Variants in NTM observed in about 807,000 individuals in gnomAD.
NTM encodes the protein IgLON family member 2.
Under a neutral mutation model 42.1 loss-of-function variants are expected in NTM, and 13 were observed. The ratio of observed to expected loss-of-function variants is 0.31; its 90% CI spans 0.20 to 0.49. The LOEUF is 0.49. Ranked by LOEUF, NTM falls within the 20% of genes least tolerant of loss-of-function variation. The pLI, the probability that NTM is intolerant of heterozygous loss-of-function variation, is 0.99. For missense variants in NTM, 373 were observed against 452.8 expected, an observed-to-expected ratio of 0.82 and a Z score of 1.60; for synonymous variants, 187 against 179.2, an observed-to-expected ratio of 1.04 and a Z score of -0.35.
Position 131,945,023 on chromosome 11 carries a change from A to G in NTM, c.167+33375A>G, listed in dbSNP as rs77307681. 2.0e-3 allele frequency among the ~76,000 whole-genome samples: 307 copies of G among 152,262 alleles called. 11 individuals are homozygous for G. In the South Asian group the frequency reaches 0.041, roughly 20 times the overall value. On this transcript the variant is annotated intron_variant, in intron 2 of 8. Transcript: ENST00000683400. ...GGAGTTTTGAACTAAACACAGTCCC[A>G]TTGGTGTGTAGTCAGATTTCATTGT...
chr11:131,459,987 C>T lies in NTM; in HGVS notation c.82+89099C>T, dbSNP rs571323905. 1.3e-3 allele frequency among the ~76,000 whole-genome samples: 195 copies of T among 152,144 alleles called. 1 individual carries two copies. Among genetic ancestry groups the T allele is most frequent in the African/African-American group, 4.3e-3 (179 of 41,500 alleles). On this transcript the variant is annotated intron_variant, in intron 1 of 8. Coordinates refer to ENST00000683400, the MANE Select transcript of NTM (RefSeq NM_001352005.2). ...CTCAAAGCAGTAAAAGAAAATAAGGCTCCGTGGCAGAACTTAAAAAAAATG... is the reference window on the plus strand; with the variant it reads ...CTCAAAGCAGTAAAAGAAAATAAGGTTCCGTGGCAGAACTTAAAAAAAATG...
chr11:132,072,000 T>C (rs1384452206), intron 2 of NTM, among the ~76,000 whole-genome samples: 2 of 152,152 alleles, frequency 1.3e-5, no homozygotes, highest in Non-Finnish European at 2.9e-5. Context: ...TTATAGGGAT[T>C]GGCTAGGGCA....
intron 2 of NTM, among the ~76,000 whole-genome samples, chr11:132,076,537 G>A (rs1793629): frequency 0.68 from 103,214 of 152,112 alleles, 36,437 homozygotes; most frequent in African/African-American, 0.85. Flanking sequence ...GGGGAAATTT[G>A]AAAATCAAAT....
intron 1 of NTM, among the ~76,000 whole-genome samples, chr11:131,471,132 CAT>C (rs1241625096): frequency 6.6e-6 from 1 of 152,206 alleles, no homozygotes; most frequent in Non-Finnish European, 1.5e-5. Flanking sequence ...GTTATTCATA[CAT>C]GAGTATTGTC....
intron 2 of NTM, among the ~76,000 whole-genome samples, chr11:132,138,823 T>C (rs545987758): frequency 9.3e-4 from 142 of 152,222 alleles, no homozygotes; most frequent in Non-Finnish European, 1.7e-3. Context: ...CCCTCCCACA[T>C]TGGGGAGGGT....
chr11:131,984,125 C>T (rs2065700509), intron 2 of NTM, among the ~76,000 whole-genome samples: 1 of 152,128 alleles, frequency 6.6e-6, no homozygotes, highest in Non-Finnish European at 1.5e-5. Context: ...CCATTTGTAC[C>T]CTTCTTCACA....
At chr11:132,078,763 T>C (rs1292374681) in intron 2 of NTM, among the ~76,000 whole-genome samples, 1 of 152,218 alleles carries the variant, frequency 6.6e-6, no homozygotes, top group East Asian at 1.9e-4. Flanking sequence ...ATGTTTCTGG[T>C]TCTTTTACAC....
intron 8 of NTM, among the ~76,000 whole-genome samples, chr11:132,333,385 CT>C (rs1431402903): frequency 6.6e-6 from 1 of 152,104 alleles, no homozygotes; most frequent in Non-Finnish European, 1.5e-5. Flanking sequence ...GGCTTCTCTC[CT>C]TTGATTCCAA....
At chr11:131,718,381 G>A (rs1375900878) in intron 1 of NTM, among the ~76,000 whole-genome samples, 1 of 152,158 alleles carries the variant, frequency 6.6e-6, no homozygotes, top group Non-Finnish European at 1.5e-5. Flanking sequence ...CAAATTCAAT[G>A]TGTTTTGGCT....
At chr11:132,239,821 A>G (rs1393512846) in intron 4 of NTM, among the ~76,000 whole-genome samples, 1 of 152,250 alleles carries the variant, frequency 6.6e-6, no homozygotes, top group Non-Finnish European at 1.5e-5. Context: ...TTCAAATTTT[A>G]TCACAATTAA....
intron 1 of NTM, among the ~76,000 whole-genome samples, chr11:131,910,419 G>T (rs1360878642): frequency 6.8e-6 from 1 of 147,782 alleles, no homozygotes; most frequent in Non-Finnish European, 1.5e-5. Flanking sequence ...GGCTGGGCTG[G>T]TGCACAGCCT....
At chr11:132,101,426 C>T (rs1426853796) in intron 2 of NTM, among the ~76,000 whole-genome samples, 2 of 152,178 alleles carry the variant, frequency 1.3e-5, no homozygotes, top group African/African-American at 4.8e-5. Flanking sequence ...GTCTTCCCCA[C>T]TGGGTGGAAG....
At chr11:131,673,519 G>C (rs2070791953) in intron 1 of NTM, among the ~76,000 whole-genome samples, 1 of 152,112 alleles carries the variant, frequency 6.6e-6, no homozygotes, top group Admixed American at 6.5e-5. Flanking sequence ...TCATCATCTG[G>C]GTCACCTGCC....
chr11:131,823,194 T>C (rs2093263649), intron 1 of NTM, among the ~76,000 whole-genome samples: 1 of 152,196 alleles, frequency 6.6e-6, no homozygotes, highest in Admixed American at 6.5e-5. Context: ...CCAGAGACCA[T>C]GGAAATCCTT....
intron 1 of NTM, among the ~76,000 whole-genome samples, chr11:131,621,899 C>T (rs1182348722): frequency 6.7e-6 from 1 of 149,278 alleles, no homozygotes; most frequent in African/African-American, 2.5e-5. Context: ...TTTCGAGAAA[C>T]AGGGCCAATA....
intron 1 of NTM, chr11:131,767,029 C>G: frequency 3.1e-6 from 1 of 319,618 alleles, no homozygotes; most frequent in Non-Finnish European, 4.5e-6. Context: ...ACTAATATAA[C>G]CAAGTAAATG....
chr11:131,760,950 T>A (rs1167592833), intron 1 of NTM, among the ~76,000 whole-genome samples: 1 of 152,134 alleles, frequency 6.6e-6, no homozygotes, highest in Non-Finnish European at 1.5e-5. Flanking sequence ...AGGAGGAGCC[T>A]TCCTAGCTCC....
intron 1 of NTM, among the ~76,000 whole-genome samples, chr11:131,794,297 T>C (rs1478370505): frequency 6.6e-6 from 1 of 152,178 alleles, no homozygotes; most frequent in Non-Finnish European, 1.5e-5. Flanking sequence ...AGGATAAACG[T>C]TTTGTAATGG....
chr11:131,998,277 G>T (rs183526355), intron 2 of NTM, among the ~76,000 whole-genome samples: 1 of 152,292 alleles, frequency 6.6e-6, no homozygotes, highest in Non-Finnish European at 1.5e-5. Context: ...TGCGTGGAGT[G>T]AGCCCACTGA....
Sources: allele counts gnomAD v4.1 joint callset (sites outside exome capture counted in the v4.1 genomes callset), GRCh38; gene constraint gnomAD v4.1.1; transcripts MANE v1.5; gene names NCBI Gene and HGNC (gene_info 2026-07-23, HGNC 2026-07-21).